The following NUTM2F variants were observed in gnomAD, a reference collection of about 807,000 sequenced individuals.
NUTM2F encodes NUT family member 2F.
A neutral mutation model predicts 43.3 loss-of-function variants in NUTM2F; 22 were observed. The ratio of observed to expected loss-of-function variants is 0.51; its 90% CI spans 0.36 to 0.73. NUTM2F has a LOEUF of 0.73. Among genes scored for constraint, NUTM2F ranks in the 30% least tolerant of loss-of-function variants. The pLI is 0.00. For synonymous variants in NUTM2F, 202 were observed against 389.0 expected (o/e 0.52, Z 5.66); for missense variants, 488 against 927.4 (o/e 0.53, Z 6.15).
intron 2 of NUTM2F, among the ~76,000 whole-genome samples, chr9:94,323,535 CAG>C (rs758844098): frequency 1.3e-5 from 2 of 152,154 alleles, no homozygotes; most frequent in Non-Finnish European, 2.9e-5. Context: ...GTGGTGCACT[CAG>C]AGCTATCACT....
chr9:94,322,043 T>G lies in NUTM2F; in HGVS notation c.842+158A>C, dbSNP rs189932330. On this transcript the variant is annotated intron_variant, in intron 3 of 6. Coordinates refer to ENST00000253262, the MANE Select transcript of NUTM2F (RefSeq NM_017561.2). ...CAGAGACCCCAGAGCACTCTAGGTG[T>G]CAGGAGCAGCTTCCTGAGGGAGCCA... is the stretch of plus-strand genomic sequence containing the variant. Among the ~76,000 whole-genome samples, 1,202 of 150,510 alleles carry G rather than the reference T, an allele frequency of 8.0e-3. 7 individuals are homozygous for G. Among genetic ancestry groups the G allele is most frequent in the Admixed American group, 0.011 (167 of 15,138 alleles).
At chr9:94,322,702 G>A (rs1352387722) in intron 2 of NUTM2F, among the ~76,000 whole-genome samples, 4 of 151,818 alleles carry the variant, frequency 2.6e-5, no homozygotes, top group Admixed American at 1.3e-4. Context: ...CATGGAATCC[G>A]AGCTCTGATA....
chr9:94,322,970 C>T (rs1416997232), intron 2 of NUTM2F, among the ~76,000 whole-genome samples: 3 of 151,218 alleles, frequency 2.0e-5, no homozygotes, highest in Non-Finnish European at 4.4e-5. Context: ...GGTTAAAGTG[C>T]AGGTTCCTGG....
Position 94,320,059 on chromosome 9 carries a change from A to T in NUTM2F, c.1368+149T>A. 1 of 747,836 alleles carries T rather than the reference A, an allele frequency of 1.3e-6. No homozygotes were observed. Among genetic ancestry groups the T allele is most frequent in the Non-Finnish European group, 2.2e-6 (1 of 458,446 alleles). The allele number at this position is 747,836 out of a possible 1,614,324, so 46.3% of individuals were successfully genotyped here. ...ATCACAGACACAAACACACAGCAAC[A>T]CACAGACACACACAGTCACATACAC... On this transcript the variant is annotated intron_variant, in intron 5 of 6. Transcript: ENST00000253262. The surrounding 1 kb of genome is among the most constrained non-coding windows in gnomAD (Gnocchi z 4.5).
chr9:94,320,927 G>A lies in NUTM2F; in HGVS notation c.982+166C>T, dbSNP rs1479988322. On this transcript the variant is annotated intron_variant, in intron 4 of 6. Transcript: ENST00000253262. This position sits in a 1 kb window ranked among gnomAD's most constrained non-coding sequence, Gnocchi z 4.5. The stretch of plus-strand genomic sequence containing the variant: ...TGCTTCGTGATCACGGGCCACCCAT[G>A]AAGTAGGTATTCACCTGGTCAATAC... Among the ~76,000 whole-genome samples the A allele has an allele frequency of 6.6e-6, 1 of 152,204 alleles. No homozygotes were observed. The highest frequency in any genetic ancestry group is 1.5e-5 in the Non-Finnish European group (1 of 68,034).
intron 1 of NUTM2F, among the ~76,000 whole-genome samples, chr9:94,327,327 C>T (rs982303651): frequency 6.6e-6 from 1 of 151,840 alleles, no homozygotes; most frequent in Non-Finnish European, 1.5e-5. Context: ...TGGTCTTGAA[C>T]TCCTGACCTC....
intron 3 of NUTM2F, among the ~76,000 whole-genome samples, chr9:94,321,883 AC>A (rs1426842068): frequency 6.7e-6 from 1 of 148,730 alleles, no homozygotes; most frequent in East Asian, 2.0e-4. Flanking sequence ...AGTCACTAGC[AC>A]CCCTTCTCCC....
chr9:94,323,186 G>A (rs1302461046), intron 2 of NUTM2F, among the ~76,000 whole-genome samples: 6 of 152,026 alleles, frequency 3.9e-5, no homozygotes, highest in South Asian at 2.1e-4. Flanking sequence ...AGCCCGGGGC[G>A]GCTACACTCC....
chr9:94,321,927 C>T (rs909697620), intron 3 of NUTM2F, among the ~76,000 whole-genome samples: 3 of 151,682 alleles, frequency 2.0e-5, no homozygotes, highest in Non-Finnish European at 4.4e-5. Flanking sequence ...CCCCTTTGGG[C>T]TGCGATGCTG....
chr9:94,320,399 CA>C lies in NUTM2F; in HGVS notation c.1176del (p.Glu393LysfsTer42), dbSNP rs747262427. 4.3e-6 allele frequency: 7 copies of C among 1,613,040 alleles called. No homozygotes were observed. In the East Asian group the frequency reaches 1.6e-4, roughly 36 times the overall value. On this transcript the variant is annotated frameshift_variant, in exon 5 of 7. Transcript: ENST00000253262. LOFTEE classifies it high-confidence loss of function. The surrounding 1 kb of genome is among the most constrained non-coding windows in gnomAD (Gnocchi z 4.5). ...AETKVPEEIP[P>X]EVVQEYVDIM... ...ATGTCCACATACTCCTGCACCACTTCAGGGGGGATCTCCTCAGGGACCTTGG... is the reference window on the plus strand; with the variant it reads ...ATGTCCACATACTCCTGCACCACTTCGGGGGGATCTCCTCAGGGACCTTGG...
At chr9:94,328,377 A>G (rs1385360413) in intron 1 of NUTM2F, among the ~76,000 whole-genome samples, 1 of 152,026 alleles carries the variant, frequency 6.6e-6, no homozygotes, top group Non-Finnish European at 1.5e-5. Flanking sequence ...CATCCTTTCC[A>G]CTACACGGTG....
chr9:94,320,328 A>C lies in NUTM2F; in HGVS notation c.1248T>G (p.Pro416=). The change falls in exon 5 of 7, where the codon CCT becomes CCG. Residue 416 remains proline, a synonymous_variant. Coordinates refer to ENST00000253262, the MANE Select transcript of NUTM2F (RefSeq NM_017561.2). This position sits in a 1 kb window ranked among gnomAD's most constrained non-coding sequence, Gnocchi z 4.5. ...LGSHPGDTGE[P]EGQREKGKVE... ...CTTTGCCCTTTTCCCGTTGTCCCTCAGGCTCCCCTGTGTCCCCAGGGTGAG... is the reference window on the plus strand; with the variant it reads ...CTTTGCCCTTTTCCCGTTGTCCCTCCGGCTCCCCTGTGTCCCCAGGGTGAG... 6.2e-7 allele frequency: 1 copy of C among 1,613,770 alleles called. No homozygotes were observed. The highest frequency in any genetic ancestry group is 1.1e-5 in the South Asian group (1 of 91,064).
intron 3 of NUTM2F, among the ~76,000 whole-genome samples, chr9:94,321,947 G>A (rs901115444): frequency 6.6e-6 from 1 of 151,600 alleles, no homozygotes; most frequent in Non-Finnish European, 1.5e-5. Context: ...GGCTGCTCCC[G>A]CCATGACCCC....
Position 94,325,764 on chromosome 9 carries a change from G to C in NUTM2F, c.187C>G (p.Pro63Ala), listed in dbSNP as rs1476917265. 1 of 1,612,006 alleles carries C rather than the reference G, an allele frequency of 6.2e-7. No individual in the cohort carries two copies. The highest frequency in any genetic ancestry group is 1.3e-5 in the African/African-American group (1 of 74,882). ...PLVLSAFPST[P>A]LVAGQDGRGP... ...CGGCCATCCTGTCCTGCCACTAGAG[G>C]GGTGCTGGGGAAGGCAGAGAGCACC... Residue 63 changes from proline (P) to alanine (A), a missense_variant, in exon 2 of 7, where the codon CCT (proline) becomes GCT (alanine). Pro to Ala is a conservative substitution (Grantham distance 27, BLOSUM62 -1). Coordinates refer to ENST00000253262, the MANE Select transcript of NUTM2F (RefSeq NM_017561.2).
In NUTM2F at chr9:94,322,096, A is replaced by T. The variant is rs980373905; in HGVS notation, c.842+105T>A. ...GGCCCAGGGCATCCTGTGTTTGTCC[A>T]CACCCTCCTCATGCTCCATGCTGAG... On this transcript the variant is annotated intron_variant, in intron 3 of 6. Coordinates refer to ENST00000253262, the MANE Select transcript of NUTM2F (RefSeq NM_017561.2). The T allele has an allele frequency of 4.6e-6, 7 of 1,530,318 alleles. No homozygotes were observed. The African/African-American group carries it at 9.8e-5, about 21-fold the overall frequency. The allele number at this position is 1,530,318 out of a possible 1,614,324, so 94.8% of individuals were successfully genotyped here.
chr9:94,326,332 G>C (rs1440896649), intron 1 of NUTM2F, among the ~76,000 whole-genome samples: 1 of 151,662 alleles, frequency 6.6e-6, no homozygotes, highest in Non-Finnish European at 1.5e-5. Context: ...GGCAGTGCTC[G>C]GCATTCAGAA....
chr9:94,321,305 A>G (rs1489868949), intron 3 of NUTM2F, 73 bp from the exon 4 acceptor site: 17 of 1,536,986 alleles, frequency 1.1e-5, no homozygotes, highest in Non-Finnish European at 1.5e-5. Flanking sequence ...GCAGCAGCTG[A>G]GGGCAGGGAT....
intron 2 of NUTM2F, among the ~76,000 whole-genome samples, chr9:94,323,204 A>C (rs1831401215): frequency 6.6e-6 from 1 of 151,898 alleles, no homozygotes; most frequent in Non-Finnish European, 1.5e-5. Flanking sequence ...TCCAAGAATC[A>C]GGGTCCCCAG....
Position 94,320,072 on chromosome 9 carries a change from C to G in NUTM2F, c.1368+136G>C. The G allele has an allele frequency of 2.6e-6, 2 of 758,314 alleles. No individual in the cohort carries two copies. The highest frequency in any genetic ancestry group is 1.8e-5 in the South Asian group (1 of 54,396). 47.0% of individuals were successfully genotyped at this position (758,314 alleles called of 1,614,324 possible). Reference sequence around the variant, plus strand: ...ACACACAGCAACACACAGACACACACAGTCACATACACAGACACTCAAATC... The same window carrying G: ...ACACACAGCAACACACAGACACACAGAGTCACATACACAGACACTCAAATC... On this transcript the variant is annotated intron_variant, in intron 5 of 6. Transcript: ENST00000253262. This position sits in a 1 kb window ranked among gnomAD's most constrained non-coding sequence, Gnocchi z 4.5.
Sources: allele counts gnomAD v4.1 joint callset (sites outside exome capture counted in the v4.1 genomes callset), GRCh38; gene constraint gnomAD v4.1.1; non-coding constraint Gnocchi (gnomAD v3.1); transcripts MANE v1.5; gene names NCBI Gene and HGNC (gene_info 2026-07-23, HGNC 2026-07-21).